The following CAPN13 variants were observed in gnomAD, a reference collection of about 807,000 sequenced individuals.
The protein encoded by CAPN13 is calpain 13.
CAPN13 carries 90 observed loss-of-function variants against 98.4 expected under a neutral mutation model. The observed-to-expected ratio is 0.92, with a 90% CI of 0.77 to 1.09. The LOEUF is 1.09. Ranked by LOEUF, CAPN13 falls within the 50% of genes least tolerant of loss-of-function variation. The pLI, the probability that CAPN13 is intolerant of heterozygous loss-of-function variation, is 0.00. For missense variants in CAPN13, 887 were observed against 841.3 expected (o/e 1.05, Z -0.67); for synonymous variants, 330 against 305.5 (o/e 1.08, Z -0.84).
At chr2:30,802,541 C>T (rs1319470387) in intron 1 of CAPN13, among the ~76,000 whole-genome samples, 8 of 39,216 alleles carry the variant, frequency 2.0e-4, no homozygotes, top group Non-Finnish European at 2.8e-4. Context: ...GAAAGGCAGG[C>T]TGGGGGGGGG....
At chr2:30,742,180 C>T (rs911253284) in intron 14 of CAPN13, 146 bp downstream of exon 14, 38 of 1,087,064 alleles carry the variant, frequency 3.5e-5, no homozygotes, top group Admixed American at 2.0e-4. Context: ...CCCCCTACCC[C>T]GCCCCTTTGA....
intron 22 of CAPN13, among the ~76,000 whole-genome samples, chr2:30,724,278 T>C (rs1427864837): frequency 6.6e-6 from 1 of 152,252 alleles, no homozygotes; most frequent in Non-Finnish European, 1.5e-5. Flanking sequence ...AGTTAATAAC[T>C]ACCTCACTTT....
At chr2:30,733,828 T>C (rs973836574) in intron 19 of CAPN13, among the ~76,000 whole-genome samples, 1 of 152,206 alleles carries the variant, frequency 6.6e-6, no homozygotes, top group African/African-American at 2.4e-5. Flanking sequence ...CTTGTGCAAC[T>C]TTTTTTGTCA....
chr2:30,750,916 G>A (rs1672142584), intron 11 of CAPN13, among the ~76,000 whole-genome samples, 187 bp downstream of exon 11: 1 of 152,166 alleles, frequency 6.6e-6, no homozygotes, highest in South Asian at 2.1e-4. Flanking sequence ...ATGATCGAGT[G>A]TCATCTTTCT....
chr2:30,764,085 G>T (rs1393233188), intron 6 of CAPN13, 47 bp downstream of exon 6: 1 of 1,519,878 alleles, frequency 6.6e-7, no homozygotes, highest in Non-Finnish European at 8.9e-7. Flanking sequence ...AGCATTCCTG[G>T]CTGAGGAAAG....
At chr2:30,743,227 C>G (rs925829450) in intron 13 of CAPN13, 156 bp downstream of exon 13, 35 of 711,436 alleles carry the variant, frequency 4.9e-5, no homozygotes, top group Non-Finnish European at 8.0e-5. Flanking sequence ...TCTCGCTCCC[C>G]CTTTATGGTG....
At chr2:30,763,269 G>T (rs1290214822) in intron 6 of CAPN13, 113 bp from the exon 7 acceptor site, 1 of 867,304 alleles carries the variant, frequency 1.2e-6, no homozygotes, top group Non-Finnish European at 1.8e-6. Flanking sequence ...ACTCACTTGG[G>T]ACTGGTATAT....
At chr2:30,755,569 C>G (rs1250739039) in intron 8 of CAPN13, among the ~76,000 whole-genome samples, 1 of 152,100 alleles carries the variant, frequency 6.6e-6, no homozygotes, top group Non-Finnish European at 1.5e-5. Flanking sequence ...CCCTCACAAG[C>G]AGAAGGGAGC....
intron 1 of CAPN13, among the ~76,000 whole-genome samples, chr2:30,800,183 A>AGAAG (rs1491528067): frequency 1.3e-5 from 2 of 151,988 alleles, no homozygotes; most frequent in Admixed American, 6.5e-5. Context: ...AAAGAAAGAA[A>AGAAG]GAAAGAAAAC....
chr2:30,738,360 G>T, intron 16 of CAPN13, 40 bp downstream of exon 16: 1 of 1,612,204 alleles, frequency 6.2e-7, no homozygotes, highest in Non-Finnish European at 8.5e-7. Flanking sequence ...TTGCCAGCAG[G>T]GAGGAGGATG....
chr2:30,750,992 C>T, intron 11 of CAPN13, 111 bp downstream of exon 11: 1 of 1,258,248 alleles, frequency 7.9e-7, no homozygotes, highest in Non-Finnish European at 1.1e-6. Context: ...TGGGCTTTAT[C>T]TCCAAGGCTG....
chr2:30,723,336 G>T (rs1441974421), intron 22 of CAPN13, 100 bp from the exon 23 acceptor site: 1 of 152,234 alleles, frequency 6.6e-6, no homozygotes, highest in African/African-American at 2.4e-5. Flanking sequence ...TTCCAAAGAT[G>T]CTGTTCTGGA....
At chr2:30,751,806 A>C (rs1398144169) in intron 10 of CAPN13, among the ~76,000 whole-genome samples, 1 of 152,194 alleles carries the variant, frequency 6.6e-6, no homozygotes, top group Non-Finnish European at 1.5e-5. Flanking sequence ...ACAATGGGGG[A>C]GCTCTGCAAG....
intron 19 of CAPN13, among the ~76,000 whole-genome samples, chr2:30,734,120 T>C (rs549808447): frequency 1.8e-4 from 28 of 152,328 alleles, no homozygotes; most frequent in African/African-American, 6.3e-4. Flanking sequence ...GCCCAGATAC[T>C]GAGCTGGAAG....
intron 1 of CAPN13, among the ~76,000 whole-genome samples, chr2:30,800,146 A>AAG: frequency 6.7e-6 from 1 of 148,534 alleles, no homozygotes; most frequent in East Asian, 2.1e-4. Flanking sequence ...GAAAGAAAGA[A>AAG]AGAAAGAAAG....
chr2:30,757,142 C>T (rs757226988), intron 8 of CAPN13, among the ~76,000 whole-genome samples: 7 of 152,322 alleles, frequency 4.6e-5, no homozygotes, highest in East Asian at 1.9e-4. Context: ...CCCAGCCCCA[C>T]GGGCGATGAT....
chr2:30,800,184 G>GA (rs1266864231), intron 1 of CAPN13, among the ~76,000 whole-genome samples: 1 of 148,794 alleles, frequency 6.7e-6, no homozygotes, highest in Non-Finnish European at 1.5e-5. Flanking sequence ...AAGAAAGAAA[G>GA]AAAGAAAACT....
At chr2:30,727,563 C>G (rs1351920886) in intron 22 of CAPN13, among the ~76,000 whole-genome samples, 1 of 152,152 alleles carries the variant, frequency 6.6e-6, no homozygotes, top group African/African-American at 2.4e-5. Context: ...AAAAGATGCT[C>G]AAAATCATTA....
At chr2:30,723,830 A>C (rs1026417626) in intron 22 of CAPN13, among the ~76,000 whole-genome samples, 7 of 152,142 alleles carry the variant, frequency 4.6e-5, no homozygotes, top group African/African-American at 9.7e-5. Flanking sequence ...CTTGTCTCTC[A>C]GACTACTTGC....
Sources: gnomAD v4.1 joint callset for allele counts (sites outside exome capture counted in the v4.1 genomes callset) on GRCh38, gnomAD v4.1.1 for gene constraint, MANE v1.5 for transcripts, NCBI Gene and HGNC (gene_info 2026-07-23, HGNC 2026-07-21) for gene names.